Variants in CALN1 observed in about 807,000 individuals in gnomAD.
CALN1 encodes calneuron 1.
In CALN1, 17 loss-of-function variants were observed where a neutral mutation model predicts 30.6. The observed-to-expected ratio is 0.56, with a 90% CI of 0.38 to 0.83. CALN1 has a LOEUF of 0.83. Among genes scored for constraint, CALN1 ranks in the 40% least tolerant of loss-of-function variants. The pLI, the probability that CALN1 is intolerant of heterozygous loss-of-function variation, is 0.00. For synonymous variants in CALN1, 156 were observed against 131.4 expected (o/e 1.19, Z -1.28); for missense variants, 291 against 354.9 (o/e 0.82, Z 1.45).
chr7:71,897,442 T>C (rs1418382785), intron 5 of CALN1, among the ~76,000 whole-genome samples: 2 of 152,100 alleles, frequency 1.3e-5, no homozygotes, highest in Non-Finnish European at 2.9e-5. Context: ...CACTTGCTAT[T>C]CTGTTGGTAA....
intron 3 of CALN1, among the ~76,000 whole-genome samples, chr7:72,110,387 G>A (rs1157846773): frequency 6.6e-6 from 1 of 152,170 alleles, no homozygotes; most frequent in African/African-American, 2.4e-5. Flanking sequence ...CTCCTCTAAA[G>A]GGACCTGCTC....
At chr7:72,297,089 CT>C (rs1798916961) in intron 2 of CALN1, among the ~76,000 whole-genome samples, 1 of 152,160 alleles carries the variant, frequency 6.6e-6, no homozygotes, top group Admixed American at 6.5e-5. Context: ...CCTCTACACA[CT>C]GCTTTGAATG....
chr7:72,314,935 G>A (rs1448022338), intron 2 of CALN1, among the ~76,000 whole-genome samples: 1 of 147,622 alleles, frequency 6.8e-6, no homozygotes, highest in African/African-American at 2.5e-5. Context: ...ATCACTTGAG[G>A]CCAGAGTTCA....
At chr7:72,227,592 G>A (rs548916728) in intron 3 of CALN1, among the ~76,000 whole-genome samples, 17 of 151,998 alleles carry the variant, frequency 1.1e-4, no homozygotes, top group East Asian at 3.9e-4. Flanking sequence ...AATAGACATT[G>A]GGTTGTGGGG....
At chr7:72,426,857 C>T (rs186800793) in intron 1 of CALN1, among the ~76,000 whole-genome samples, 101 of 152,316 alleles carry the variant, frequency 6.6e-4, no homozygotes, top group East Asian at 2.3e-3. Context: ...GACTCAACAA[C>T]GTGTGGCGAT....
intron 4 of CALN1, among the ~76,000 whole-genome samples, chr7:72,099,536 C>T (rs778324955): frequency 9.2e-5 from 14 of 151,912 alleles, no homozygotes; most frequent in Admixed American, 2.6e-4. Flanking sequence ...CATCCATAAC[C>T]AGAACCTGGT....
chr7:72,183,393 G>A (rs920340777), intron 3 of CALN1, among the ~76,000 whole-genome samples: 1 of 152,114 alleles, frequency 6.6e-6, no homozygotes, highest in Admixed American at 6.5e-5. Context: ...CTACAGTGGC[G>A]GAGATGAAAA....
At chr7:72,127,934 A>C (rs1808879952) in intron 3 of CALN1, among the ~76,000 whole-genome samples, 1 of 152,186 alleles carries the variant, frequency 6.6e-6, no homozygotes, top group Non-Finnish European at 1.5e-5. Flanking sequence ...TATAAATGAA[A>C]TGATATGACA....
intron 1 of CALN1, among the ~76,000 whole-genome samples, chr7:72,410,526 A>T (rs1807051272): frequency 6.6e-6 from 1 of 152,182 alleles, no homozygotes; most frequent in Non-Finnish European, 1.5e-5. Flanking sequence ...GCAAAGCCAA[A>T]ATTTTAAGTC....
chr7:72,322,261 A>C (rs1163313646), intron 2 of CALN1, among the ~76,000 whole-genome samples: 1 of 152,116 alleles, frequency 6.6e-6, no homozygotes, highest in Non-Finnish European at 1.5e-5. Context: ...AGTTCACAAT[A>C]GGCTTCCTAT....
chr7:72,477,096 A>G, the CALN1 span, among the ~76,000 whole-genome samples: 4 of 152,152 alleles, frequency 2.6e-5, no homozygotes, highest in African/African-American at 9.7e-5. Flanking sequence ...TTGTAATTCC[A>G]GCTACTTGGG....
At chr7:71,821,784 C>CTTTTTTTTTTT (rs1562810241) in intron 5 of CALN1, among the ~76,000 whole-genome samples, 1 of 144,456 alleles carries the variant, frequency 6.9e-6, no homozygotes. Flanking sequence ...CTAAATGTTT[C>CTTTTTTTTTTT]TTTCTTTTTT....
At chr7:72,387,083 C>T (rs1267506318) in intron 2 of CALN1, among the ~76,000 whole-genome samples, 1 of 147,994 alleles carries the variant, frequency 6.8e-6, no homozygotes, top group Non-Finnish European at 1.5e-5. Flanking sequence ...GCCAAGGGTG[C>T]AACACTTTGA....
chr7:72,404,741 G>C (rs759178062), intron 1 of CALN1, among the ~76,000 whole-genome samples: 1 of 152,178 alleles, frequency 6.6e-6, no homozygotes, highest in Non-Finnish European at 1.5e-5. Context: ...TCAGCTCTTA[G>C]AAGATCAGGC....
At chr7:72,402,476 G>A (rs1046892591) in intron 2 of CALN1, among the ~76,000 whole-genome samples, 1 of 152,168 alleles carries the variant, frequency 6.6e-6, no homozygotes, top group Non-Finnish European at 1.5e-5. Context: ...CAGCCTTAGG[G>A]AGACAATTTC....
At chr7:72,196,342 C>G (rs1190236634) in intron 3 of CALN1, among the ~76,000 whole-genome samples, 1 of 152,190 alleles carries the variant, frequency 6.6e-6, no homozygotes, top group Non-Finnish European at 1.5e-5. Context: ...TAGTCTCAAA[C>G]TCCTGAGCTC....
At chr7:72,072,147 AT>A (rs1430296180) in intron 4 of CALN1, among the ~76,000 whole-genome samples, 1 of 152,212 alleles carries the variant, frequency 6.6e-6, no homozygotes, top group Non-Finnish European at 1.5e-5. Flanking sequence ...GATGAAAGAT[AT>A]TAATATCAAC....
chr7:72,462,186 T>G, the CALN1 span, among the ~76,000 whole-genome samples: 11,617 of 146,212 alleles, frequency 0.079, 678 homozygotes, highest in African/African-American at 0.18. Context: ...ATGTATTTAT[T>G]TATTTATTTA....
intron 3 of CALN1, among the ~76,000 whole-genome samples, chr7:72,174,139 A>G (rs2129545629): frequency 6.6e-6 from 1 of 152,282 alleles, no homozygotes; most frequent in Non-Finnish European, 1.5e-5. Flanking sequence ...AACACAGGAA[A>G]AGGTACACAT....
Sources: gnomAD v4.1 joint callset for allele counts (sites outside exome capture counted in the v4.1 genomes callset) on GRCh38, gnomAD v4.1.1 for gene constraint, MANE v1.5 for transcripts, NCBI Gene and HGNC (gene_info 2026-07-23, HGNC 2026-07-21) for gene names.